TASOR: variants seen among roughly 807,000 people sequenced by gnomAD.
TASOR encodes transcription activation suppressor.
TASOR carries 53 observed loss-of-function variants against 178.6 expected under a neutral mutation model. The observed-to-expected ratio is 0.30, with a 90% CI of 0.24 to 0.37. The LOEUF is 0.37. Ranked by LOEUF, TASOR falls within the 10% of genes least tolerant of loss-of-function variation. The pLI, the probability that TASOR is intolerant of heterozygous loss-of-function variation, is 1.00. For missense variants in TASOR, 1,815 were observed against 1,971.4 expected, an observed-to-expected ratio of 0.92 and a Z score of 1.50; for synonymous variants, 713 against 696.2, an observed-to-expected ratio of 1.02 and a Z score of -0.38.
At chr3:56,656,355 A>G (rs1173656677) in intron 11 of TASOR, among the ~76,000 whole-genome samples, 1 of 152,204 alleles carries the variant, frequency 6.6e-6, no homozygotes, top group Non-Finnish European at 1.5e-5. Context: ...TGGGAGGTTG[A>G]GGCAGGCAGA....
intron 19 of TASOR, 50 bp from the exon 20 acceptor site, chr3:56,627,791 A>G: frequency 6.3e-7 from 1 of 1,575,060 alleles, no homozygotes; most frequent in East Asian, 2.2e-5. Flanking sequence ...GAATGAATTG[A>G]CAGACTCAAG....
chr3:56,683,131 C>T lies in TASOR; in HGVS notation c.-125G>A, dbSNP rs1022974307. On this transcript the variant is annotated 5_prime_UTR_variant, in exon 1 of 24. Transcript: ENST00000683822. ...CCCACCCACCCCCTTCCCCCCGTGG[C>T]CTCAGGCTGCGCTCCCGACCTGGCA... The T allele has an allele frequency of 9.7e-6, 11 of 1,139,728 alleles. No homozygotes were observed. The highest frequency in any genetic ancestry group is 1.6e-5 in the African/African-American group (1 of 63,508). The allele number at this position is 1,139,728 out of a possible 1,614,324, so 70.6% of individuals were successfully genotyped here. A position where few individuals can be genotyped will look rare whatever the true frequency, so the allele number is the denominator to read the frequency against.
At position 56,633,178 on chromosome 3, in the gene TASOR, G is replaced by A. The variant is rs752614304; in HGVS notation, c.3613C>T (p.Leu1205Phe). 22 of 1,614,048 alleles carry A rather than the reference G, an allele frequency of 1.4e-5. No homozygotes were observed. The South Asian group carries it at 2.3e-4, about 17-fold the overall frequency. ...TCTAACTGGCTTATAAAATTTGAAA[G>A]AGCTGGTTGAGCAGAAATGTTTACA... Reference protein sequence around the residue: ...SDVNISAQPALSNFISQLEPE... With the variant: ...SDVNISAQPAFSNFISQLEPE... Residue 1205 changes from leucine to phenylalanine, a missense_variant, in exon 18 of 24, where the codon CTT becomes TTT. This residue lies in a region of TASOR where 655 missense variants were observed against 671.1 expected (regional missense o/e 0.98). Coordinates refer to ENST00000683822, the MANE Select transcript of TASOR (RefSeq NM_001365635.2).
chr3:56,670,905 A>C (rs7631662), intron 3 of TASOR, among the ~76,000 whole-genome samples: 82,176 of 137,012 alleles, frequency 0.6, 27,105 homozygotes, highest in East Asian at 0.95. Flanking sequence ...CACACCATTT[A>C]ACTCCAGCCT....
chr3:56,648,205 TCCAACAGAGTGAGACTCTATC>T (rs2077276108), intron 13 of TASOR, among the ~76,000 whole-genome samples: 1 of 151,862 alleles, frequency 6.6e-6, no homozygotes, highest in African/African-American at 2.4e-5. Flanking sequence ...AGACTCTATC[TCCAACAGAGTGAGACTCTATC>T]TCTAAAATAA....
intron 18 of TASOR, among the ~76,000 whole-genome samples, chr3:56,632,156 T>A (rs1471565143): frequency 3.3e-5 from 5 of 151,998 alleles, no homozygotes; most frequent in African/African-American, 1.2e-4. Flanking sequence ...TCCTCTCTGT[T>A]TTTTTCCCTC....
chr3:56,633,690 T>A lies in TASOR; in HGVS notation c.3101A>T (p.Glu1034Val). 1 of 1,614,154 alleles carries A rather than the reference T, an allele frequency of 6.2e-7. No homozygotes were observed. Among genetic ancestry groups the A allele is most frequent in the Non-Finnish European group, 8.5e-7 (1 of 1,180,024 alleles). The change falls in exon 18 of 24, where the codon GAG (glutamate) becomes GTG (valine). Residue 1034 changes from glutamate (E) to valine (V), a missense_variant. Around this residue, in one of 5 missense-constraint regions of TASOR, gnomAD observed 655 missense variants for 671.1 expected, o/e 0.98. Coordinates refer to ENST00000683822, the MANE Select transcript of TASOR (RefSeq NM_001365635.2). ...TGAAACATTCTTTTGCTTCAAAATC[T>A]CTTCTATCTTCCTAGAAAAGAGATT... ...EYNLFSRKIEEILKQKNVSYV... is the reference protein window; with the variant it reads ...EYNLFSRKIEVILKQKNVSYV...
chr3:56,672,958 T>C (rs2030881578), intron 2 of TASOR, among the ~76,000 whole-genome samples: 2 of 152,120 alleles, frequency 1.3e-5, no homozygotes. Flanking sequence ...GAAGCTGGGA[T>C]TACAGGCATG....
At position 56,662,316 on chromosome 3, in the gene TASOR, G is replaced by T. The variant is rs946820150; in HGVS notation, c.1160+69C>A. On this transcript the variant is annotated intron_variant, in intron 9 of 23. Coordinates refer to ENST00000683822, the MANE Select transcript of TASOR (RefSeq NM_001365635.2). Reference sequence around the variant, plus strand: ...CAAAATAAAATTTAAATATGAAAAAGAAATAAGGAAAAAGGCTCAAGAAAG... The same window carrying T: ...CAAAATAAAATTTAAATATGAAAAATAAATAAGGAAAAAGGCTCAAGAAAG... 4 of 796,408 alleles carry T rather than the reference G, an allele frequency of 5.0e-6. No individual in the cohort carries two copies. The African/African-American group carries it at 5.3e-5, about 11-fold the overall frequency. The allele number at this position is 796,408 out of a possible 1,614,324, so 49.3% of individuals were successfully genotyped here.
chr3:56,636,352 C>T (rs1266803377), intron 17 of TASOR, among the ~76,000 whole-genome samples: 4 of 151,638 alleles, frequency 2.6e-5, no homozygotes, highest in African/African-American at 9.7e-5. Context: ...TGATTGAAAA[C>T]ACACATACAT....
chr3:56,637,880 T>A (rs2077048513), intron 17 of TASOR, among the ~76,000 whole-genome samples: 1 of 152,078 alleles, frequency 6.6e-6, no homozygotes, highest in African/African-American at 2.4e-5. Flanking sequence ...ACAAAGATTA[T>A]CTCCTAGGTA....
At chr3:56,660,647 A>G in intron 11 of TASOR, 84 bp downstream of exon 11, 1 of 1,072,936 alleles carries the variant, frequency 9.3e-7, no homozygotes, top group South Asian at 1.4e-5. Context: ...AGAGGCAAAA[A>G]TAAACTGAAA....
At position 56,622,347 on chromosome 3, in the gene TASOR, A is replaced by AAAT. The variant is rs1435125362; in HGVS notation, c.*687_*689dup. 3 of 152,312 alleles carry AAAT rather than the reference A, an allele frequency of 2.0e-5. No individual in the cohort carries two copies. Among genetic ancestry groups the AAAT allele is most frequent in the African/African-American group, 7.2e-5 (3 of 41,566 alleles). 9.4% of individuals were successfully genotyped at this position (152,312 alleles called of 1,614,324 possible). A position where few individuals can be genotyped will look rare whatever the true frequency, so the allele number is the denominator to read the frequency against. On this transcript the variant is annotated 3_prime_UTR_variant, in exon 24 of 24. Coordinates refer to ENST00000683822, the MANE Select transcript of TASOR (RefSeq NM_001365635.2). Reference sequence around the variant, plus strand: ...TTCCATTTTGCTAAAACTAATTTAAAAATCAAATTGTTCAACGCCTTTGAT... The same window carrying AAAT: ...TTCCATTTTGCTAAAACTAATTTAAAAATAATCAAATTGTTCAACGCCTTTGAT...
At chr3:56,679,047 G>A (rs926166035) in intron 1 of TASOR, among the ~76,000 whole-genome samples, 5 of 148,908 alleles carry the variant, frequency 3.4e-5, no homozygotes, top group Non-Finnish European at 7.4e-5. Flanking sequence ...TGGGTCATAC[G>A]AAGTACAAAT....
chr3:56,646,575 A>C lies in TASOR; in HGVS notation c.2162T>G (p.Met721Arg), dbSNP rs993973946. The change falls in exon 14 of 24, where the codon ATG becomes AGG. Residue 721 changes from methionine to arginine, a missense_variant. By Grantham distance (91) the Met-to-Arg change is moderately conservative. This residue lies in a region of TASOR where 655 missense variants were observed against 671.1 expected (regional missense o/e 0.98). Transcript: ENST00000683822. ...KRKLEDLPEN[M>R]RKLAKTSNLS... The stretch of plus-strand genomic sequence containing the variant: ...ATTACTGGTTTTGGCGAGCTTTCTC[A>C]TATTTTCAGGTAGATCCTCAAGCTT... The C allele has an allele frequency of 1.7e-5, 27 of 1,609,516 alleles. No individual in the cohort carries two copies. The highest frequency in any genetic ancestry group is 2.1e-5 in the Non-Finnish European group (25 of 1,179,130).
intron 6 of TASOR, among the ~76,000 whole-genome samples, chr3:56,667,581 T>TG (rs909687258): frequency 6.6e-6 from 1 of 152,092 alleles, no homozygotes; most frequent in Non-Finnish European, 1.5e-5. Context: ...CATTTGAACC[T>TG]GGGGGGCAGA....
At chr3:56,628,063 C>T (rs554453214) in intron 19 of TASOR, among the ~76,000 whole-genome samples, 4 of 152,252 alleles carry the variant, frequency 2.6e-5, no homozygotes, top group Non-Finnish European at 4.4e-5. Flanking sequence ...CCTATGTGCT[C>T]GAACAGTCAA....
chr3:56,636,634 C>T (rs543636873), intron 17 of TASOR, among the ~76,000 whole-genome samples: 9 of 151,792 alleles, frequency 5.9e-5, no homozygotes, highest in Non-Finnish European at 1.2e-4. Context: ...ATGTCTTGAC[C>T]TCCTGATCCG....
intron 11 of TASOR, among the ~76,000 whole-genome samples, chr3:56,652,522 CCAGCCTGGATG>C (rs2077373376): frequency 6.7e-6 from 1 of 150,214 alleles, no homozygotes; most frequent in African/African-American, 2.5e-5. Flanking sequence ...CCACTGCACT[CCAGCCTGGATG>C]ACAAAGCAAG....
Sources: allele counts gnomAD v4.1 joint callset (sites outside exome capture counted in the v4.1 genomes callset), GRCh38; gene constraint gnomAD v4.1.1; regional missense constraint gnomAD v4.1.1; transcripts MANE v1.5; gene names NCBI Gene and HGNC (gene_info 2026-07-23, HGNC 2026-07-21).